The following CNTNAP2 variants were observed in gnomAD, a reference collection of about 807,000 sequenced individuals.
CNTNAP2 encodes the protein contactin-associated protein-like 2.
In CNTNAP2, 98 loss-of-function variants were observed where a neutral mutation model predicts 155.2. The observed-to-expected ratio is 0.63, with a 90% CI of 0.54 to 0.75. The LOEUF (loss-of-function observed/expected upper bound fraction) is 0.75. Among genes scored for constraint, CNTNAP2 ranks in the 30% least tolerant of loss-of-function variants. CNTNAP2 has a pLI of 0.00. For missense variants in CNTNAP2, 1,727 were observed against 1,688.1 expected, an observed-to-expected ratio of 1.02 and a Z score of -0.40; for synonymous variants, 651 against 631.2, an observed-to-expected ratio of 1.03 and a Z score of -0.47.
At chr7:148,032,026 C>T (rs1802486148) in intron 15 of CNTNAP2, among the ~76,000 whole-genome samples, 1 of 152,192 alleles carries the variant, frequency 6.6e-6, no homozygotes, top group Non-Finnish European at 1.5e-5. Flanking sequence ...CATCTGTCTG[C>T]CCTGACTCTG....
At chr7:146,933,463 T>C (rs1585166415) in intron 3 of CNTNAP2, among the ~76,000 whole-genome samples, 1 of 151,446 alleles carries the variant, frequency 6.6e-6, no homozygotes, top group South Asian at 2.1e-4. Context: ...ACTTAAATGT[T>C]AGACCTAAAA....
At chr7:147,378,230 CTG>C (rs1300540178) in intron 9 of CNTNAP2, 2 of 274,098 alleles carry the variant, frequency 7.3e-6, no homozygotes, top group African/African-American at 2.3e-5. Context: ...CAAACTCACT[CTG>C]TAGCTTTGTC....
intron 20 of CNTNAP2, among the ~76,000 whole-genome samples, chr7:148,260,291 G>T (rs571159622): frequency 6.6e-6 from 1 of 152,298 alleles, no homozygotes. Flanking sequence ...GCAGCTCACC[G>T]TTTTGTCTCT....
At chr7:147,970,149 T>G (rs186654898) in intron 14 of CNTNAP2, among the ~76,000 whole-genome samples, 3 of 151,848 alleles carry the variant, frequency 2.0e-5, no homozygotes, top group African/African-American at 7.2e-5. Flanking sequence ...AAGATAGTCT[T>G]GAATTCCCAC....
chr7:147,448,756 G>A (rs1797783630), intron 10 of CNTNAP2, among the ~76,000 whole-genome samples: 1 of 151,930 alleles, frequency 6.6e-6, no homozygotes. Flanking sequence ...TTATACTTAT[G>A]AAAATTTATG....
At chr7:147,607,990 G>A (rs1282042318) in intron 12 of CNTNAP2, among the ~76,000 whole-genome samples, 1 of 152,094 alleles carries the variant, frequency 6.6e-6, no homozygotes, top group African/African-American at 2.4e-5. Context: ...TACATTTTTA[G>A]GTTGGACCAT....
intron 20 of CNTNAP2, among the ~76,000 whole-genome samples, chr7:148,252,800 T>C (rs10952738): frequency 0.68 from 103,385 of 151,746 alleles, 35,615 homozygotes; most frequent in South Asian, 0.83. Flanking sequence ...GCTTCCTCAC[T>C]CATCTCCAGG....
intron 12 of CNTNAP2, among the ~76,000 whole-genome samples, chr7:147,599,196 G>A (rs559860391): frequency 6.6e-6 from 1 of 152,010 alleles, no homozygotes; most frequent in Non-Finnish European, 1.5e-5. Flanking sequence ...TGTACCATTG[G>A]TCAAGAGCAG....
At chr7:147,998,234 C>A (rs973620599) in intron 15 of CNTNAP2, among the ~76,000 whole-genome samples, 1 of 150,336 alleles carries the variant, frequency 6.7e-6, no homozygotes, top group African/African-American at 2.4e-5. Flanking sequence ...GCCTCAGCCT[C>A]TCGAGTAGCT....
At chr7:146,970,575 G>T (rs912214833) in intron 3 of CNTNAP2, among the ~76,000 whole-genome samples, 6 of 152,148 alleles carry the variant, frequency 3.9e-5, no homozygotes, top group African/African-American at 1.2e-4. Context: ...GTGCTGGAGA[G>T]GATGTGGAGA....
At chr7:148,301,306 A>AATATATATATATATAT (rs1554414673) in intron 21 of CNTNAP2, among the ~76,000 whole-genome samples, 7 of 103,848 alleles carry the variant, frequency 6.7e-5, no homozygotes, top group South Asian at 3.4e-4. Flanking sequence ...AAAAAAAAAA[A>AATATATATATATATAT]ATATATATAT....
chr7:148,021,006 C>T (rs528535988), intron 15 of CNTNAP2, among the ~76,000 whole-genome samples: 2 of 152,346 alleles, frequency 1.3e-5, no homozygotes, highest in South Asian at 4.1e-4. Flanking sequence ...TTCTTCTCCA[C>T]CTTGTGCCCA....
At chr7:147,848,065 G>GC (rs1354747556) in intron 13 of CNTNAP2, among the ~76,000 whole-genome samples, 2 of 125,028 alleles carry the variant, frequency 1.6e-5, no homozygotes, top group Non-Finnish European at 3.5e-5. Context: ...TCTGTGCCCT[G>GC]CCCCCAGAGG....
intron 7 of CNTNAP2, among the ~76,000 whole-genome samples, chr7:147,130,764 T>G (rs989495639): frequency 3.3e-5 from 5 of 152,146 alleles, no homozygotes; most frequent in African/African-American, 1.2e-4. Context: ...TCCCTCATTA[T>G]GCATTGACTC....
intron 18 of CNTNAP2, among the ~76,000 whole-genome samples, chr7:148,186,381 A>G (rs1167323334): frequency 6.6e-6 from 1 of 152,226 alleles, no homozygotes; most frequent in Non-Finnish European, 1.5e-5. Context: ...TCACATTGCT[A>G]GTAAATGGCA....
intron 13 of CNTNAP2, among the ~76,000 whole-genome samples, chr7:147,747,133 G>A (rs192029570): frequency 2.1e-3 from 322 of 152,218 alleles, no homozygotes; most frequent in Non-Finnish European, 3.7e-3. Context: ...CTCACCGACC[G>A]CCTCTTATCT....
intron 9 of CNTNAP2, chr7:147,378,236 C>T: frequency 3.7e-6 from 1 of 268,558 alleles, no homozygotes; most frequent in Non-Finnish European, 7.4e-6. Flanking sequence ...CACTCTGTAG[C>T]TTTGTCTCAT....
intron 1 of CNTNAP2, among the ~76,000 whole-genome samples, chr7:146,195,921 C>T (rs1023599464): frequency 6.6e-6 from 1 of 152,172 alleles, no homozygotes; most frequent in African/African-American, 2.4e-5. Flanking sequence ...CCTTCATGAC[C>T]ACTTCCATCA....
intron 2 of CNTNAP2, among the ~76,000 whole-genome samples, chr7:146,794,148 C>T (rs1802725914): frequency 6.6e-6 from 1 of 152,072 alleles, no homozygotes; most frequent in South Asian, 2.1e-4. Context: ...GGCTAAATGC[C>T]CTTGGATAGT....
Sources: allele counts gnomAD v4.1 joint callset (sites outside exome capture counted in the v4.1 genomes callset), GRCh38; gene constraint gnomAD v4.1.1; transcripts MANE v1.5; gene names NCBI Gene and HGNC (gene_info 2026-07-23, HGNC 2026-07-21).